TSHZ2: variants seen among roughly 807,000 people sequenced by gnomAD.
The protein encoded by TSHZ2 is teashirt zinc finger homeobox 2.
TSHZ2 carries 21 observed loss-of-function variants against 74.4 expected under a neutral mutation model. That is an observed-to-expected ratio of 0.28 (90% CI 0.20 to 0.41). TSHZ2 has a LOEUF of 0.41. Ranked by LOEUF, TSHZ2 falls within the 10% of genes least tolerant of loss-of-function variation. The pLI, the probability that TSHZ2 is intolerant of heterozygous loss-of-function variation, is 1.00. For synonymous variants in TSHZ2, 540 were observed against 515.3 expected, an observed-to-expected ratio of 1.05 and a Z score of -0.65; for missense variants, 1,244 against 1,293.5, an observed-to-expected ratio of 0.96 and a Z score of 0.59.
intron 1 of TSHZ2, among the ~76,000 whole-genome samples, chr20:53,229,085 A>G (rs1479995404): frequency 6.6e-6 from 1 of 152,180 alleles, no homozygotes; most frequent in East Asian, 1.9e-4. Context: ...GAACAGGAGC[A>G]TTTTGTCTTC....
chr20:53,212,801 T>A (rs1989344747), intron 1 of TSHZ2, among the ~76,000 whole-genome samples: 1 of 152,188 alleles, frequency 6.6e-6, no homozygotes, highest in Non-Finnish European at 1.5e-5. Context: ...TTTCTCCTGG[T>A]GGTTCCCAGG....
At chr20:53,214,289 G>A (rs1457347622) in intron 1 of TSHZ2, among the ~76,000 whole-genome samples, 2 of 152,258 alleles carry the variant, frequency 1.3e-5, no homozygotes, top group East Asian at 1.9e-4. Context: ...GATGATGGAC[G>A]ATTGAACAAA....
intron 1 of TSHZ2, among the ~76,000 whole-genome samples, chr20:53,181,535 T>C (rs1988468456): frequency 6.6e-6 from 1 of 152,140 alleles, no homozygotes. Flanking sequence ...CAGAAAAGCA[T>C]CTAACAAATC....
At chr20:53,470,791 T>A (rs1238408148) in intron 2 of TSHZ2, among the ~76,000 whole-genome samples, 1 of 151,670 alleles carries the variant, frequency 6.6e-6, no homozygotes, top group African/African-American at 2.4e-5. Flanking sequence ...CCAGCCTGGA[T>A]GATAGAGCAA....
At chr20:53,103,961 A>G (rs961592510) in intron 1 of TSHZ2, among the ~76,000 whole-genome samples, 14 of 152,162 alleles carry the variant, frequency 9.2e-5, no homozygotes, top group African/African-American at 3.1e-4. Context: ...AGCCCAATTG[A>G]TCTGATGGAC....
chr20:53,134,567 G>A (rs1302295180), intron 1 of TSHZ2, among the ~76,000 whole-genome samples: 1 of 148,500 alleles, frequency 6.7e-6, no homozygotes, highest in African/African-American at 2.6e-5. Flanking sequence ...TGACTTGTCT[G>A]TGTCTTCCGA....
intron 1 of TSHZ2, among the ~76,000 whole-genome samples, chr20:53,197,979 A>C (rs921244485): frequency 6.6e-6 from 1 of 152,228 alleles, no homozygotes; most frequent in Non-Finnish European, 1.5e-5. Flanking sequence ...CTCTTTGGCC[A>C]AGAATTCTTC....
intron 2 of TSHZ2, among the ~76,000 whole-genome samples, chr20:53,468,269 A>C (rs1985621361): frequency 6.6e-6 from 1 of 152,194 alleles, no homozygotes; most frequent in Admixed American, 6.5e-5. Context: ...TCCCATCATT[A>C]GTTGTCAGGA....
chr20:53,073,456 C>G (rs1416900856), intron 1 of TSHZ2, among the ~76,000 whole-genome samples: 2 of 150,556 alleles, frequency 1.3e-5, no homozygotes, highest in African/African-American at 2.4e-5. Flanking sequence ...ATCCATTCAT[C>G]CATTTCTCTA....
chr20:53,338,209 A>G (rs889627130), intron 2 of TSHZ2, among the ~76,000 whole-genome samples: 2 of 152,240 alleles, frequency 1.3e-5, no homozygotes, highest in African/African-American at 4.8e-5. Flanking sequence ...GAATGTCTTC[A>G]TAATTCTTTC....
intron 1 of TSHZ2, among the ~76,000 whole-genome samples, chr20:53,056,120 C>A (rs1040828995): frequency 1.7e-4 from 26 of 152,168 alleles, no homozygotes; most frequent in African/African-American, 5.8e-4. Context: ...TTATCTATAC[C>A]TAGAACACAG....
intron 2 of TSHZ2, among the ~76,000 whole-genome samples, chr20:53,455,831 A>T (rs1985049857): frequency 6.6e-6 from 1 of 150,852 alleles, no homozygotes; most frequent in Admixed American, 6.6e-5. Flanking sequence ...TGTTCTTGCG[A>T]TAGTTTACTG....
chr20:53,464,640 T>G (rs1985500932), intron 2 of TSHZ2, among the ~76,000 whole-genome samples: 2 of 152,148 alleles, frequency 1.3e-5, no homozygotes, highest in African/African-American at 4.8e-5. Context: ...TTTTTTACTT[T>G]TTACTTTTTG....
intron 1 of TSHZ2, among the ~76,000 whole-genome samples, chr20:53,216,776 T>G (rs1989444375): frequency 6.6e-6 from 1 of 152,206 alleles, no homozygotes; most frequent in African/African-American, 2.4e-5. Context: ...CCCTTAATCA[T>G]GTGGGTTGTT....
At chr20:53,309,225 T>C (rs2145497098) in intron 2 of TSHZ2, among the ~76,000 whole-genome samples, 1 of 152,318 alleles carries the variant, frequency 6.6e-6, no homozygotes, top group South Asian at 2.1e-4. Flanking sequence ...ACGACTGCCC[T>C]GTTGCTGTCA....
chr20:53,438,961 T>TA (rs1239254317), intron 2 of TSHZ2, among the ~76,000 whole-genome samples: 5 of 150,356 alleles, frequency 3.3e-5, no homozygotes, highest in Admixed American at 6.6e-5. Context: ...ACTCCATCTC[T>TA]AAAAAAAAAG....
At chr20:53,316,889 C>T (rs1023829913) in intron 2 of TSHZ2, among the ~76,000 whole-genome samples, 1 of 152,128 alleles carries the variant, frequency 6.6e-6, no homozygotes, top group Non-Finnish European at 1.5e-5. Flanking sequence ...AGGTAAAAGT[C>T]ATCACAATAA....
At chr20:53,133,147 C>T (rs778498395) in intron 1 of TSHZ2, among the ~76,000 whole-genome samples, 6 of 152,166 alleles carry the variant, frequency 3.9e-5, no homozygotes, top group African/African-American at 7.2e-5. Context: ...CTCTTTGACA[C>T]GTTAGACTCC....
intron 1 of TSHZ2, among the ~76,000 whole-genome samples, chr20:53,229,621 A>T (rs900743733): frequency 6.6e-6 from 1 of 152,062 alleles, no homozygotes; most frequent in Non-Finnish European, 1.5e-5. Flanking sequence ...ATAGTTCATT[A>T]ATTAAGGGTT....
Sources: allele counts gnomAD v4.1 joint callset (sites outside exome capture counted in the v4.1 genomes callset), GRCh38; gene constraint gnomAD v4.1.1; transcripts MANE v1.5; gene names NCBI Gene and HGNC (gene_info 2026-07-23, HGNC 2026-07-21).